Variants in ZNF680 observed in about 807,000 individuals in gnomAD.
The protein encoded by ZNF680 is hypothetical protein FLJ90430.
ZNF680 carries 6 observed loss-of-function variants against 12.1 expected under a neutral mutation model. That is an observed-to-expected ratio of 0.49 (90% CI 0.27 to 0.98). The LOEUF is 0.98. Ranked by LOEUF, ZNF680 falls within the 50% of genes least tolerant of loss-of-function variation. ZNF680 has a pLI of 0.12. For missense variants in ZNF680, 561 were observed against 616.3 expected, an observed-to-expected ratio of 0.91 and a Z score of 0.95; for synonymous variants, 170 against 199.3, an observed-to-expected ratio of 0.85 and a Z score of 1.24.
chr7:64,558,314 C>T (rs917630074), intron 1 of ZNF680, among the ~76,000 whole-genome samples: 3 of 152,032 alleles, frequency 2.0e-5, no homozygotes, highest in African/African-American at 4.8e-5. Context: ...ATGGTGGTGC[C>T]TAGTCCTGGG....
intron 3 of ZNF680, among the ~76,000 whole-genome samples, chr7:64,543,301 T>G (rs76389426): frequency 0.23 from 34,324 of 151,936 alleles, 4,063 homozygotes; most frequent in South Asian, 0.29. Flanking sequence ...TGCAGAAAAA[T>G]GAACCAAAAA....
rs6969879 is a variant in ZNF680 at position 64,562,993 on chromosome 7, T to A, written c.-39A>T. ...CTCCCAATACCTGCAGATAACGGAG[T>A]CACAGAGGCTGGGCCTCTAGGAGCA... On this transcript the variant is annotated 5_prime_UTR_variant, in exon 1 of 4. Transcript: ENST00000309683. 1 of 1,611,486 alleles carries A rather than the reference T, an allele frequency of 6.2e-7. No individual in the cohort carries two copies. The highest frequency in any genetic ancestry group is 1.1e-5 in the South Asian group (1 of 91,034).
At chr7:64,517,645 AAAG>A (rs1791381921), downstream of ZNF680, among the ~76,000 whole-genome samples, 1 of 152,098 alleles carries the variant, frequency 6.6e-6, no homozygotes, top group African/African-American at 2.4e-5. Flanking sequence ...CATAGCCAAA[AAAG>A]AAGACTACAG....
At chr7:64,559,304 A>G (rs1306835480) in intron 1 of ZNF680, among the ~76,000 whole-genome samples, 2 of 152,156 alleles carry the variant, frequency 1.3e-5, no homozygotes, top group Admixed American at 1.3e-4. Flanking sequence ...CAAAGTTTTC[A>G]TTAGGAAGTT....
chr7:64,562,797 C>T (rs1433986488), intron 1 of ZNF680, 128 bp downstream of exon 1: 2 of 1,046,762 alleles, frequency 1.9e-6, no homozygotes, highest in East Asian at 4.9e-5. Context: ...GACCGAGCTG[C>T]GCCAAGGACA....
chr7:64,544,090 T>A, intron 2 of ZNF680: 1 of 664,076 alleles, frequency 1.5e-6, no homozygotes, highest in Non-Finnish European at 2.4e-6. Context: ...TAATCTAGAG[T>A]GAAGGACATA....
At chr7:64,502,577 T>C in the ZNF680 span, among the ~76,000 whole-genome samples, 2 of 152,314 alleles carry the variant, frequency 1.3e-5, no homozygotes, top group South Asian at 2.1e-4. Context: ...AATAGTGTTA[T>C]AGTGTTACGA....
intron 3 of ZNF680, chr7:64,526,268 A>G: frequency 8.8e-7 from 1 of 1,139,728 alleles, no homozygotes; most frequent in South Asian, 4.2e-5. Flanking sequence ...TGATGCAGTA[A>G]TAAAATTCCT....
chr7:64,535,274 A>C (rs993941941), intron 3 of ZNF680, among the ~76,000 whole-genome samples: 1 of 152,142 alleles, frequency 6.6e-6, no homozygotes, highest in Non-Finnish European at 1.5e-5. Context: ...CTGAAGTTAG[A>C]GAATTTTCTA....
At chr7:64,544,684 A>G (rs907679147) in intron 1 of ZNF680, among the ~76,000 whole-genome samples, 22 of 152,186 alleles carry the variant, frequency 1.4e-4, no homozygotes, top group African/African-American at 4.6e-4. Flanking sequence ...TTTTTTGAAG[A>G]AAAACTATAA....
intron 3 of ZNF680, among the ~76,000 whole-genome samples, chr7:64,537,400 T>G (rs1203806436): frequency 6.6e-6 from 1 of 152,172 alleles, no homozygotes; most frequent in Non-Finnish European, 1.5e-5. Flanking sequence ...TTTAATTTTG[T>G]TAAGATGTCA....
At chr7:64,529,312 A>T (rs1401880502) in intron 3 of ZNF680, among the ~76,000 whole-genome samples, 1 of 152,238 alleles carries the variant, frequency 6.6e-6, no homozygotes, top group African/African-American at 2.4e-5. Context: ...ACCAAGAAGG[A>T]ATCCCTGTTT....
chr7:64,534,502 C>T (rs1325758605), intron 3 of ZNF680, among the ~76,000 whole-genome samples: 4 of 152,122 alleles, frequency 2.6e-5, no homozygotes. Flanking sequence ...ATCAAAAAAT[C>T]GTAAAACAGT....
At chr7:64,548,106 T>C (rs1011980980) in intron 1 of ZNF680, among the ~76,000 whole-genome samples, 1 of 152,242 alleles carries the variant, frequency 6.6e-6, no homozygotes, top group African/African-American at 2.4e-5. Context: ...TTTCTAAGCT[T>C]ACCTAAGAGA....
At chr7:64,531,935 T>C (rs1266273122) in intron 3 of ZNF680, among the ~76,000 whole-genome samples, 1 of 151,718 alleles carries the variant, frequency 6.6e-6, no homozygotes, top group Non-Finnish European at 1.5e-5. Context: ...AAGGAAATAA[T>C]CAAGATTAGA....
At chr7:64,551,112 C>T (rs939560975) in intron 1 of ZNF680, among the ~76,000 whole-genome samples, 6 of 152,152 alleles carry the variant, frequency 3.9e-5, no homozygotes, top group African/African-American at 1.2e-4. Context: ...ATGCATAGTT[C>T]ACTCTAAATT....
chr7:64,520,320 C>A lies in ZNF680; in HGVS notation c.*841G>T, dbSNP rs1791461021. ...CATCATTATTTACTTTTCAAATAAG[C>A]CATAATTTTTTCAAGAAAAAAAGTA... On this transcript the variant is annotated 3_prime_UTR_variant, in exon 4 of 4. Coordinates refer to ENST00000309683, the MANE Select transcript of ZNF680 (RefSeq NM_178558.5). The A allele has an allele frequency of 6.6e-6, 1 of 151,552 alleles. No individual in the cohort carries two copies. The highest frequency in any genetic ancestry group is 2.4e-5 in the African/African-American group (1 of 41,344). The allele number at this position is 151,552 out of a possible 1,614,324, so 9.4% of individuals were successfully genotyped here.
downstream of ZNF680, among the ~76,000 whole-genome samples, chr7:64,519,606 T>C (rs926885375): frequency 6.6e-6 from 1 of 151,890 alleles, no homozygotes; most frequent in Non-Finnish European, 1.5e-5. Flanking sequence ...CTTTATAGTA[T>C]AGTTTAAAGT....
At chr7:64,550,834 G>T (rs940155617) in intron 1 of ZNF680, among the ~76,000 whole-genome samples, 6 of 151,096 alleles carry the variant, frequency 4.0e-5, no homozygotes, top group Non-Finnish European at 7.4e-5. Flanking sequence ...AGAGGGAAAG[G>T]CCCCTCTAGA....
Sources: gnomAD v4.1 joint callset for allele counts (sites outside exome capture counted in the v4.1 genomes callset) on GRCh38, gnomAD v4.1.1 for gene constraint, MANE v1.5 for transcripts, NCBI Gene and HGNC (gene_info 2026-07-23, HGNC 2026-07-21) for gene names.